The following ROBO2 variants were observed in gnomAD, a reference collection of about 807,000 sequenced individuals.
ROBO2 encodes the protein roundabout homolog 2.
ROBO2 carries 53 observed loss-of-function variants against 160.8 expected under a neutral mutation model. The observed-to-expected ratio is 0.33, with a 90% CI of 0.26 to 0.41. ROBO2 has a LOEUF of 0.41. Ranked by LOEUF, ROBO2 falls within the 10% of genes least tolerant of loss-of-function variation. ROBO2 has a pLI of 1.00. For synonymous variants in ROBO2, 664 were observed against 611.7 expected, an observed-to-expected ratio of 1.09 and a Z score of -1.26; for missense variants, 1,577 against 1,722.4, an observed-to-expected ratio of 0.92 and a Z score of 1.49.
chr3:76,316,330 A>G (rs754020872), intron 2 of ROBO2, among the ~76,000 whole-genome samples: 23 of 152,122 alleles, frequency 1.5e-4, no homozygotes, highest in Admixed American at 3.3e-4. Flanking sequence ...ACCTCCCCCA[A>G]GGAATGCAAT....
chr3:77,308,606 T>C (rs1450910011), intron 2 of ROBO2, among the ~76,000 whole-genome samples: 2 of 152,138 alleles, frequency 1.3e-5, no homozygotes, highest in Admixed American at 6.6e-5. Flanking sequence ...TTCTGAACAT[T>C]CTTGTGGTTT....
intron 2 of ROBO2, among the ~76,000 whole-genome samples, chr3:77,319,484 ATC>A (rs2064434512): frequency 6.6e-6 from 1 of 152,186 alleles, no homozygotes; most frequent in African/African-American, 2.4e-5. Context: ...AACATTGAAT[ATC>A]TAAGTAGTCT....
intron 2 of ROBO2, among the ~76,000 whole-genome samples, chr3:76,137,028 A>T (rs1267381623): frequency 1.3e-5 from 2 of 152,088 alleles, no homozygotes; most frequent in African/African-American, 4.8e-5. Flanking sequence ...ATTTTGTGTT[A>T]GTTTTATATT....
At chr3:77,191,933 T>A (rs1025603176) in intron 2 of ROBO2, among the ~76,000 whole-genome samples, 1 of 152,184 alleles carries the variant, frequency 6.6e-6, no homozygotes, top group Non-Finnish European at 1.5e-5. Flanking sequence ...AATAACACTT[T>A]CCCTTTAAAT....
chr3:77,320,206 A>T (rs1035119427), intron 2 of ROBO2, among the ~76,000 whole-genome samples: 2 of 152,090 alleles, frequency 1.3e-5, no homozygotes, highest in Non-Finnish European at 2.9e-5. Flanking sequence ...CTCTTGTTTT[A>T]AAACTCCTCT....
intron 6 of ROBO2, among the ~76,000 whole-genome samples, chr3:77,529,075 T>G (rs2091426372): frequency 6.6e-6 from 1 of 151,516 alleles, no homozygotes; most frequent in African/African-American, 2.4e-5. Flanking sequence ...GAGCTAGTTT[T>G]CAGGTTCAGA....
intron 6 of ROBO2, among the ~76,000 whole-genome samples, chr3:77,537,108 G>GGA (rs1553650269): frequency 7.1e-6 from 1 of 140,734 alleles, no homozygotes; most frequent in South Asian, 2.4e-4. Context: ...GTGGGGGGGG[G>GGA]GTGTATTACA....
chr3:77,150,805 T>C (rs1344886635), intron 2 of ROBO2, among the ~76,000 whole-genome samples: 1 of 152,106 alleles, frequency 6.6e-6, no homozygotes, highest in Non-Finnish European at 1.5e-5. Flanking sequence ...GGTTGTGTAT[T>C]ATAAAGCAAA....
intron 2 of ROBO2, among the ~76,000 whole-genome samples, chr3:76,824,317 G>C (rs1424137259): frequency 1.3e-5 from 2 of 152,126 alleles, no homozygotes; most frequent in Non-Finnish European, 2.9e-5. Context: ...TTACTACCTG[G>C]AACTACTGAC....
intron 1 of ROBO2, among the ~76,000 whole-genome samples, chr3:77,084,667 C>T (rs2149963642): frequency 6.7e-6 from 1 of 149,944 alleles, no homozygotes; most frequent in East Asian, 2.0e-4. Context: ...TCATTTGATC[C>T]CTCCTCTGAT....
At chr3:77,149,671 C>T (rs1370862748) in intron 2 of ROBO2, among the ~76,000 whole-genome samples, 2 of 152,126 alleles carry the variant, frequency 1.3e-5, no homozygotes, top group African/African-American at 4.8e-5. Flanking sequence ...TCTGTGTTGG[C>T]TGCCTGAAAA....
Position 76,008,195 on chromosome 3 carries a change from A to G in ROBO2, c.109+70593A>G, listed in dbSNP as rs562274505. On this transcript the variant is annotated intron_variant, in intron 2 of 26. Transcript: ENST00000487694. ...GGTTGCAGTGAGCTGAGATCGCACCACTGCACTCCAGACTGAGTGACAGAG... is the reference window on the plus strand; with the variant it reads ...GGTTGCAGTGAGCTGAGATCGCACCGCTGCACTCCAGACTGAGTGACAGAG... Among the ~76,000 whole-genome samples the G allele has an allele frequency of 1.8e-4, 24 of 133,340 alleles. No homozygotes were observed. In the Admixed American group the frequency reaches 2.1e-3, roughly 12 times the overall value. The allele number at this position is 133,340 out of a possible 152,430, so 87.5% of individuals were successfully genotyped here.
intron 2 of ROBO2, among the ~76,000 whole-genome samples, chr3:76,628,379 T>C (rs2089805670): frequency 6.6e-6 from 1 of 151,022 alleles, no homozygotes; most frequent in Admixed American, 6.6e-5. Flanking sequence ...ACCCTCACAC[T>C]ACAGCCTCCA....
At chr3:76,503,137 C>A (rs1438413632) in intron 2 of ROBO2, among the ~76,000 whole-genome samples, 1 of 152,038 alleles carries the variant, frequency 6.6e-6, no homozygotes. Context: ...GTCCAAGTCC[C>A]AAAACTGAAG....
chr3:76,355,122 G>A (rs1439308575), intron 2 of ROBO2, among the ~76,000 whole-genome samples: 3 of 151,348 alleles, frequency 2.0e-5, no homozygotes, highest in Admixed American at 1.3e-4. Flanking sequence ...CCTTAGGTAA[G>A]AAGCGACTTA....
At chr3:77,617,681 T>C (rs1392241271) in exon 22 of ROBO2, 2 of 1,613,944 alleles carry the variant, frequency 1.2e-6, no homozygotes, top group African/African-American at 1.3e-5. Flanking sequence ...CAACTCTTAC[T>C]CCATCCCCAC....
chr3:76,861,902 C>A (rs1405383674), intron 2 of ROBO2, among the ~76,000 whole-genome samples: 1 of 152,102 alleles, frequency 6.6e-6, no homozygotes, highest in Non-Finnish European at 1.5e-5. Flanking sequence ...GTAACAGAGA[C>A]CATAAGTAAA....
At chr3:76,401,955 A>G (rs187897281) in intron 2 of ROBO2, among the ~76,000 whole-genome samples, 2 of 151,664 alleles carry the variant, frequency 1.3e-5, no homozygotes, top group Admixed American at 6.6e-5. Flanking sequence ...AGGCAGTTCT[A>G]TCATTTGATC....
intron 20 of ROBO2, chr3:77,603,201 A>G: frequency 2.5e-6 from 1 of 392,716 alleles, no homozygotes. Flanking sequence ...TGCTAATGAA[A>G]TCATGCCTTG....
Sources: gnomAD v4.1 joint callset for allele counts (sites outside exome capture counted in the v4.1 genomes callset) on GRCh38, gnomAD v4.1.1 for gene constraint, MANE v1.5 for transcripts, NCBI Gene and HGNC (gene_info 2026-07-23, HGNC 2026-07-21) for gene names.